The following IGFBP3 variants were observed in gnomAD, a reference collection of about 807,000 sequenced individuals.
IGFBP3 encodes the protein insulin like growth factor binding protein 3, also known as insulin-like growth factor-binding protein 3.
In IGFBP3, 9 loss-of-function variants were observed where a neutral mutation model predicts 28.6. The observed-to-expected ratio is 0.31, with a 90% CI of 0.19 to 0.55. The LOEUF (loss-of-function observed/expected upper bound fraction) is 0.55. IGFBP3 is among the 20% of genes least tolerant of loss of function. The pLI is 0.93. For synonymous variants in IGFBP3, 185 were observed against 188.2 expected (o/e 0.98, Z 0.14); for missense variants, 382 against 428.9 (o/e 0.89, Z 0.97).
intron 4 of IGFBP3, 121 bp downstream of exon 4, chr7:45,914,684 C>G: frequency 1.1e-6 from 1 of 943,158 alleles, no homozygotes; most frequent in Non-Finnish European, 1.6e-6. Context: ...CTTTCTGGCC[C>G]TGAGCTGCAG....
At position 45,920,994 on chromosome 7, in the gene IGFBP3, G is replaced by C. The variant is rs1784680988; in HGVS notation, c.147C>G (p.Ala49=). ...RCEPCDARAL[A]QCAPPPAVCA... ...ACACGGCGGGCGGAGGCGCGCACTG[G>C]GCCAGTGCACGCGCGTCGCACGGCT... The change falls in exon 1 of 5, where the codon GCC becomes GCG. Residue 49 remains alanine, a synonymous_variant. Transcript: ENST00000613132. The C allele has an allele frequency of 7.3e-7, 1 of 1,374,196 alleles. No homozygotes were observed. The highest frequency in any genetic ancestry group is 9.3e-7 in the Non-Finnish European group (1 of 1,072,532). 85.1% of individuals were successfully genotyped at this position (1,374,196 alleles called of 1,614,324 possible).
Position 45,912,799 on chromosome 7 carries a change from T to C in IGFBP3, c.*1051A>G, listed in dbSNP as rs1362738987. Reference sequence around the variant, plus strand: ...AGAAAAGCATGAGAATGACTCTAAGTTCAACAAACATGGGTGAATCTCTAT... The same window carrying C: ...AGAAAAGCATGAGAATGACTCTAAGCTCAACAAACATGGGTGAATCTCTAT... On this transcript the variant is annotated 3_prime_UTR_variant, in exon 5 of 5. Coordinates refer to ENST00000613132, the MANE Select transcript of IGFBP3 (RefSeq NM_000598.5). 6.6e-6 allele frequency: 1 copy of C among 152,404 alleles called. No individual in the cohort carries two copies. Among genetic ancestry groups the C allele is most frequent in the East Asian group, 1.9e-4 (1 of 5,194 alleles). 9.4% of individuals were successfully genotyped at this position (152,404 alleles called of 1,614,324 possible). A position where few individuals can be genotyped will look rare whatever the true frequency, so the allele number is the denominator to read the frequency against.
Position 45,912,798 on chromosome 7 carries a change from G to C in IGFBP3, c.*1052C>G, listed in dbSNP as rs1372488227. 1 of 152,428 alleles carries C rather than the reference G, an allele frequency of 6.6e-6. No homozygotes were observed. Among genetic ancestry groups the C allele is most frequent in the Non-Finnish European group, 1.5e-5 (1 of 68,056 alleles). 9.4% of individuals were successfully genotyped at this position (152,428 alleles called of 1,614,324 possible). ...AAGAAAAGCATGAGAATGACTCTAA[G>C]TTCAACAAACATGGGTGAATCTCTA... is the stretch of plus-strand genomic sequence containing the variant. On this transcript the variant is annotated 3_prime_UTR_variant, in exon 5 of 5. Coordinates refer to ENST00000613132, the MANE Select transcript of IGFBP3 (RefSeq NM_000598.5).
intron 4 of IGFBP3, 28 bp downstream of exon 4, chr7:45,914,777 C>T (rs929868527): frequency 6.2e-7 from 1 of 1,607,868 alleles, no homozygotes; most frequent in Admixed American, 1.7e-5. Context: ...GGCCCTGGAG[C>T]CCCAGGCTGC....
chr7:45,920,602 G>A (rs1784671429), intron 1 of IGFBP3, 136 bp downstream of exon 1: 3 of 874,220 alleles, frequency 3.4e-6, no homozygotes, highest in South Asian at 4.0e-5. Flanking sequence ...TTCCCGGAGC[G>A]CCTTCAGTTT....
At position 45,921,239 on chromosome 7, in the gene IGFBP3, T is replaced by G; in HGVS notation, c.-99A>C. 7.3e-7 allele frequency: 1 copy of G among 1,374,160 alleles called. No individual in the cohort carries two copies. Among genetic ancestry groups the G allele is most frequent in the South Asian group, 1.3e-5 (1 of 79,688 alleles). 85.1% of individuals were successfully genotyped at this position (1,374,160 alleles called of 1,614,324 possible). A position where few individuals can be genotyped will look rare whatever the true frequency, so the allele number is the denominator to read the frequency against. The stretch of plus-strand genomic sequence containing the variant: ...CTGTGGAATCCAGGCAGGAAGCGGC[T>G]GATCCTCAGCGCCCAGCCGCAGTGC... On this transcript the variant is annotated 5_prime_UTR_variant, in exon 1 of 5. Transcript: ENST00000613132.
intron 1 of IGFBP3, among the ~76,000 whole-genome samples, chr7:45,919,863 T>C (rs1784659995): frequency 6.6e-6 from 1 of 152,004 alleles, no homozygotes; most frequent in Non-Finnish European, 1.5e-5. Flanking sequence ...AGAGGGTAAC[T>C]CTGCCAAATG....
intron 1 of IGFBP3, chr7:45,920,150 G>A (rs1784664689): frequency 6.6e-6 from 1 of 152,144 alleles, no homozygotes; most frequent in South Asian, 2.1e-4. Flanking sequence ...GTAACCTTAA[G>A]AAGTTACTTC....
chr7:45,915,046 G>T, intron 3 of IGFBP3, 101 bp from the exon 4 acceptor site: 1 of 1,379,678 alleles, frequency 7.2e-7, no homozygotes, highest in Non-Finnish European at 1.0e-6. Context: ...ACTCTGCTAT[G>T]CTGAGAAAGC....
Position 45,917,242 on chromosome 7 carries a change from A to G in IGFBP3, c.601T>C (p.Ser201Pro), listed in dbSNP as rs779762349. ...ESQSTDTQNFSSESKRETEYG... is the reference protein window; with the variant it reads ...ESQSTDTQNFPSESKRETEYG... ...TCTGTCTCCCGCTTGGACTCGGAGGAGAAGTTCTGGGTATCTGTGCTCTGA... is the reference window on the plus strand; with the variant it reads ...TCTGTCTCCCGCTTGGACTCGGAGGGGAAGTTCTGGGTATCTGTGCTCTGA... Residue 201 changes from serine to proline, a missense_variant, in exon 2 of 5, where the codon TCC becomes CCC. Physicochemically the swap from Ser to Pro is moderately conservative, Grantham distance 74. Coordinates refer to ENST00000613132, the MANE Select transcript of IGFBP3 (RefSeq NM_000598.5). 2.5e-6 allele frequency: 4 copies of G among 1,613,848 alleles called. No homozygotes were observed. The highest frequency in any genetic ancestry group is 3.4e-6 in the Non-Finnish European group (4 of 1,179,872).
In IGFBP3 at chr7:45,921,025, C is replaced by G; in HGVS notation, c.116G>C (p.Arg39Pro). ...ASSAGLGPVV[R>P]CEPCDARALA... is the part of the protein sequence containing the mutation. ...TGCACGCGCGTCGCACGGCTCGCAG[C>G]GCACCACGGGACCCAAGCCCGCCGA... The change falls in exon 1 of 5, where the codon CGC (arginine) becomes CCC (proline). Residue 39 changes from arginine (R) to proline (P), a missense_variant. Transcript: ENST00000613132. The G allele has an allele frequency of 1.4e-6, 2 of 1,416,702 alleles. No homozygotes were observed. Among genetic ancestry groups the G allele is most frequent in the Non-Finnish European group, 1.8e-6 (2 of 1,093,118 alleles). 87.8% of individuals were successfully genotyped at this position (1,416,702 alleles called of 1,614,324 possible).
intron 1 of IGFBP3, among the ~76,000 whole-genome samples, chr7:45,919,185 CTTTT>C (rs1479550842): frequency 1.3e-5 from 2 of 152,038 alleles, no homozygotes; most frequent in Non-Finnish European, 2.9e-5. Flanking sequence ...GAAAATTTAC[CTTTT>C]TTTGTCAAAT....
intron 1 of IGFBP3, 121 bp from the exon 2 acceptor site, chr7:45,917,560 G>C: frequency 1.5e-6 from 1 of 689,282 alleles, no homozygotes; most frequent in Non-Finnish European, 2.2e-6. Context: ...CAATCCAAGT[G>C]AGTTTTTTTT....
chr7:45,920,411 A>G (rs1285899606), intron 1 of IGFBP3: 1 of 311,284 alleles, frequency 3.2e-6, no homozygotes, highest in Non-Finnish European at 5.8e-6. Context: ...CGGGGCGAGG[A>G]GAATCTCCTG....
In IGFBP3 at chr7:45,917,233, A is replaced by C. The variant is rs770404672; in HGVS notation, c.610T>G (p.Ser204Ala). ...STDTQNFSSE[S>A]KRETEYGPCR... is the part of the protein sequence containing the mutation. The stretch of plus-strand genomic sequence containing the variant: ...CTCACATATTCTGTCTCCCGCTTGG[A>C]CTCGGAGGAGAAGTTCTGGGTATCT... Residue 204 changes from serine (S) to alanine (A), a missense_variant, in exon 2 of 5, where the codon TCC becomes GCC. Coordinates refer to ENST00000613132, the MANE Select transcript of IGFBP3 (RefSeq NM_000598.5). The C allele has an allele frequency of 1.1e-5, 18 of 1,613,242 alleles. No homozygotes were observed. Among genetic ancestry groups the C allele is most frequent in the Admixed American group, 1.7e-5 (1 of 59,978 alleles).
intron 2 of IGFBP3, chr7:45,916,965 A>T (rs1784616749): frequency 7.0e-6 from 4 of 574,186 alleles, no homozygotes; most frequent in African/African-American, 1.9e-5. Context: ...CATTATCTGC[A>T]GAGGTCTTTA....
rs1323270999 is a variant in IGFBP3 at position 45,914,753 on chromosome 7, T to G, written c.*15+52A>C. ...GGCCACGCCCAGCCCCTGAGGCTGG[T>G]CCAAGGACAGTGAGGCCCTGGAGCC... On this transcript the variant is annotated intron_variant, in intron 4 of 4. Coordinates refer to ENST00000613132, the MANE Select transcript of IGFBP3 (RefSeq NM_000598.5). 6 of 1,585,126 alleles carry G rather than the reference T, an allele frequency of 3.8e-6. No homozygotes were observed. The East Asian group carries it at 1.4e-4, about 36-fold the overall frequency.
chr7:45,915,850 G>T (rs1383237387), intron 3 of IGFBP3, among the ~76,000 whole-genome samples: 1 of 152,162 alleles, frequency 6.6e-6, no homozygotes, highest in Non-Finnish European at 1.5e-5. Flanking sequence ...TGGAGAGACT[G>T]GCCATCCCCA....
intron 1 of IGFBP3, chr7:45,920,006 T>C (rs1488998915): frequency 1.3e-5 from 2 of 150,320 alleles, no homozygotes; most frequent in East Asian, 2.1e-4. Flanking sequence ...TTAGTCCACA[T>C]TGCCCGCACC....
Sources: gnomAD v4.1 joint callset for allele counts (sites outside exome capture counted in the v4.1 genomes callset) on GRCh38, gnomAD v4.1.1 for gene constraint, MANE v1.5 for transcripts, NCBI Gene and HGNC (gene_info 2026-07-23, HGNC 2026-07-21) for gene names.